TRPM8: variants seen among roughly 807,000 people sequenced by gnomAD.
The protein encoded by TRPM8 is TRPM8 cationic channel.
TRPM8 carries 110 observed loss-of-function variants against 133.7 expected under a neutral mutation model. The ratio of observed to expected loss-of-function variants is 0.82; its 90% CI spans 0.70 to 0.96. The LOEUF (loss-of-function observed/expected upper bound fraction) is 0.96, where lower values mean the gene tolerates loss of function less well. Ranked by LOEUF, TRPM8 falls within the 40% of genes least tolerant of loss-of-function variation. The probability of loss-of-function intolerance (pLI) is 0.00; values close to 1 mark genes in which losing one functional copy is unlikely to be tolerated. For synonymous variants in TRPM8, 535 were observed against 532.3 expected (o/e 1.01, Z -0.07); for missense variants, 1,291 against 1,379.5 (o/e 0.94, Z 1.02).
At chr2:233,942,488 TG>T in intron 5 of TRPM8, 87 bp from the exon 6 acceptor site, 1 of 1,309,492 alleles carries the variant, frequency 7.6e-7, no homozygotes, top group Non-Finnish European at 1.1e-6. Flanking sequence ...CCTACAGGGA[TG>T]GGGCCTTTAT....
chr2:233,963,441 C>T lies in TRPM8; in HGVS notation c.1749+64C>T, dbSNP rs1002176755. The T allele has an allele frequency of 1.3e-5, 13 of 1,020,452 alleles. No homozygotes were observed. In the East Asian group the frequency reaches 3.3e-4, roughly 26 times the overall value. 63.2% of individuals were successfully genotyped at this position (1,020,452 alleles called of 1,614,324 possible). A position where few individuals can be genotyped will look rare whatever the true frequency, so the allele number is the denominator to read the frequency against. The stretch of plus-strand genomic sequence containing the variant: ...ATGCTTTGTTATAACAGTTCTGATC[C>T]TCTCAAAATTCGCATGCCTAATATA... On this transcript the variant is annotated intron_variant, in intron 13 of 25. Coordinates refer to ENST00000324695, the MANE Select transcript of TRPM8 (RefSeq NM_024080.5).
At position 234,014,566 on chromosome 2, in the gene TRPM8, A is replaced by G. The variant is rs776870967; in HGVS notation, c.3269A>G (p.Asn1090Ser). Residue 1090 changes from asparagine (N) to serine (S), a missense_variant, in exon 25 of 26, where the codon AAT (asparagine) becomes AGT (serine). By Grantham distance (46) the Asn-to-Ser change is conservative. Transcript: ENST00000324695. ...CTATTTTTTTCTCTTTCCAAGCTTA[A>G]TGATCTCAAGGGTCTTCTGAAAGAG... is the stretch of plus-strand genomic sequence containing the variant. ...HRFRQLDTKL[N>S]DLKGLLKEIA... The G allele has an allele frequency of 3.2e-6, 5 of 1,543,872 alleles. No homozygotes were observed. Among genetic ancestry groups the G allele is most frequent in the Middle Eastern group, 1.8e-4 (1 of 5,490 alleles).
At chr2:233,985,071 G>A (rs540619498) in intron 20 of TRPM8, among the ~76,000 whole-genome samples, 28 of 139,946 alleles carry the variant, frequency 2.0e-4, no homozygotes, top group African/African-American at 6.9e-4. Flanking sequence ...GCATCAGAGT[G>A]AGATTCTGTC....
In TRPM8 at chr2:233,939,021, G is replaced by A. The variant is rs147849851; in HGVS notation, c.372G>A (p.Thr124=). 1.4e-5 allele frequency: 22 copies of A among 1,614,042 alleles called. No individual in the cohort carries two copies. Among genetic ancestry groups the A allele is most frequent in the Admixed American group, 8.3e-5 (5 of 59,998 alleles). The change falls in exon 5 of 26, where the codon ACG becomes ACA. Residue 124 remains threonine, a synonymous_variant. Coordinates refer to ENST00000324695, the MANE Select transcript of TRPM8 (RefSeq NM_024080.5). The stretch of plus-strand genomic sequence containing the variant: ...AGTATATACGTCTGTCCTGCGACAC[G>A]GACGCGGAAATCCTTTACGAGCTGC... ...KGKYIRLSCD[T]DAEILYELLT... is the part of the protein sequence containing the mutation.
rs28902207 is a variant in TRPM8, at chr2:233,985,386, T to A, written c.2762-302T>A. Among the ~76,000 whole-genome samples the A allele has an allele frequency of 7.5e-3, 1,141 of 152,340 alleles. 21 individuals are homozygous for A. The highest frequency in any genetic ancestry group is 0.025 in the African/African-American group (1,046 of 41,568). On this transcript the variant is annotated intron_variant, in intron 20 of 25. Coordinates refer to ENST00000324695, the MANE Select transcript of TRPM8 (RefSeq NM_024080.5). Reference sequence around the variant, plus strand: ...CATGGACTGAGACTTTAAATGTGTGTGGTTGATTATCTGCCTATCCAAAGA... The same window carrying A: ...CATGGACTGAGACTTTAAATGTGTGAGGTTGATTATCTGCCTATCCAAAGA...
intron 1 of TRPM8, among the ~76,000 whole-genome samples, chr2:233,918,194 C>A (rs1559512834): frequency 1.3e-5 from 2 of 151,894 alleles, no homozygotes; most frequent in Non-Finnish European, 2.9e-5. Context: ...GAAGTTTTAG[C>A]TTGTCAAAAT....
intron 21 of TRPM8, among the ~76,000 whole-genome samples, chr2:233,986,879 T>C (rs999555308): frequency 6.6e-6 from 1 of 152,166 alleles, no homozygotes; most frequent in Non-Finnish European, 1.5e-5. Flanking sequence ...AAGGACTTAA[T>C]CTTGTGGATA....
chr2:233,966,788 C>T (rs1261647936), intron 15 of TRPM8, 33 bp downstream of exon 15: 2 of 1,486,214 alleles, frequency 1.3e-6, no homozygotes, highest in African/African-American at 1.4e-5. Flanking sequence ...ACCACACGGC[C>T]AGAAATGGGG....
At chr2:233,972,672 G>A (rs1046266821) in intron 17 of TRPM8, among the ~76,000 whole-genome samples, 6 of 152,206 alleles carry the variant, frequency 3.9e-5, no homozygotes, top group Non-Finnish European at 7.4e-5. Context: ...GGCCGGCACT[G>A]CTGGGGGACC....
chr2:233,983,085 T>A lies in TRPM8; in HGVS notation c.2622T>A (p.Phe874Leu). ...ATGTGTTCTTCTTCCTGTTCCTCTTTGCGGTGTGGATGGTGGCCTTTGGCG... is the reference window on the plus strand; with the variant it reads ...ATGTGTTCTTCTTCCTGTTCCTCTTAGCGGTGTGGATGGTGGCCTTTGGCG... ...LIDVFFFLFL[F>L]AVWMVAFGVA... The change falls in exon 20 of 26, where the codon TTT becomes TTA. Residue 874 changes from phenylalanine (F) to leucine (L), a missense_variant. This residue lies in a region of TRPM8 where 328 missense variants were observed against 410.6 expected (regional missense o/e 0.80). Coordinates refer to ENST00000324695, the MANE Select transcript of TRPM8 (RefSeq NM_024080.5). The A allele has an allele frequency of 6.2e-7, 1 of 1,614,134 alleles. No homozygotes were observed. Among genetic ancestry groups the A allele is most frequent in the Non-Finnish European group, 8.5e-7 (1 of 1,179,980 alleles).
chr2:233,942,287 C>T (rs933122469), intron 5 of TRPM8, among the ~76,000 whole-genome samples: 2 of 152,038 alleles, frequency 1.3e-5, no homozygotes, highest in Non-Finnish European at 2.9e-5. Context: ...ACCATCTTGG[C>T]CAGGCTGGTC....
rs150052960 is a variant in TRPM8, at chr2:233,996,615, A to C, written c.3130+99A>C. The C allele has an allele frequency of 4.2e-4, 463 of 1,110,754 alleles. 3 individuals are homozygous for C. The Admixed American group carries it at 8.6e-3, about 21-fold the overall frequency. The allele number at this position is 1,110,754 out of a possible 1,614,324, so 68.8% of individuals were successfully genotyped here. ...CTCAACAGGAAGGAATTATTCACAG[A>C]TCTTTCACTGTTCACATCTGTACAT... is the stretch of plus-strand genomic sequence containing the variant. On this transcript the variant is annotated intron_variant, in intron 22 of 25. Coordinates refer to ENST00000324695, the MANE Select transcript of TRPM8 (RefSeq NM_024080.5).
chr2:233,956,454 A>G lies in TRPM8; in HGVS notation c.1362+1204A>G, dbSNP rs911668657. On this transcript the variant is annotated intron_variant, in intron 11 of 25. Coordinates refer to ENST00000324695, the MANE Select transcript of TRPM8 (RefSeq NM_024080.5). ...CAGTCAGCCCTAGGAGCCTTGTTCA[A>G]TGAAAATTATTATAAACCATCACAC... is the stretch of plus-strand genomic sequence containing the variant. Among the ~76,000 whole-genome samples, 14 of 152,226 alleles carry G rather than the reference A, an allele frequency of 9.2e-5. 1 individual carries two copies. The highest frequency in any genetic ancestry group is 6.5e-4 in the Admixed American group (10 of 15,284).
Position 233,996,445 on chromosome 2 carries a change from A to C in TRPM8, c.3059A>C (p.Tyr1020Ser), listed in dbSNP as rs1240326192. ...CCCTTCCCCTTCATCGTCTTCGCTT[A>C]CTTCTACATGGTGGTGAAGAAGTGC... is the stretch of plus-strand genomic sequence containing the variant. Reference protein sequence around the residue: ...NIPFPFIVFAYFYMVVKKCFK... With the variant: ...NIPFPFIVFASFYMVVKKCFK... Residue 1020 changes from tyrosine to serine, a missense_variant, in exon 22 of 26, where the codon TAC (tyrosine) becomes TCC (serine). By Grantham distance (144) the Tyr-to-Ser change is moderately radical. Transcript: ENST00000324695. 3 of 1,614,156 alleles carry C rather than the reference A, an allele frequency of 1.9e-6. No individual in the cohort carries two copies. The highest frequency in any genetic ancestry group is 4.5e-5 in the East Asian group (2 of 44,872).
chr2:233,959,790 A>G (rs1298429999), intron 11 of TRPM8, among the ~76,000 whole-genome samples: 2 of 150,654 alleles, frequency 1.3e-5, no homozygotes, highest in Non-Finnish European at 3.0e-5. Context: ...AACATCGATG[A>G]TCTTTTCTTG....
Position 233,983,072 on chromosome 2 carries a change from T to C in TRPM8, c.2609T>C (p.Phe870Ser), listed in dbSNP as rs1284604754. 1 of 1,613,794 alleles carries C rather than the reference T, an allele frequency of 6.2e-7. No homozygotes were observed. The highest frequency in any genetic ancestry group is 8.5e-7 in the Non-Finnish European group (1 of 1,179,704). The change falls in exon 20 of 26, where the codon TTC (phenylalanine) becomes TCC (serine). Residue 870 changes from phenylalanine to serine, a missense_variant. Transcript: ENST00000324695. The stretch of plus-strand genomic sequence containing the variant: ...TGACAGCTGATCGATGTGTTCTTCT[T>C]CCTGTTCCTCTTTGCGGTGTGGATG... ...LQRMLIDVFFFLFLFAVWMVA... is the reference protein window; with the variant it reads ...LQRMLIDVFFSLFLFAVWMVA...
chr2:233,949,782 G>A (rs1433618085), intron 8 of TRPM8, among the ~76,000 whole-genome samples, 167 bp from the exon 9 acceptor site: 3 of 152,182 alleles, frequency 2.0e-5, no homozygotes, highest in Non-Finnish European at 4.4e-5. Flanking sequence ...CATTCATAAA[G>A]CAATTGACAA....
chr2:234,019,010 T>A lies in TRPM8; in HGVS notation c.*1754T>A, dbSNP rs1693028672. 6.6e-6 allele frequency: 1 copy of A among 152,170 alleles called. No homozygotes were observed. The highest frequency in any genetic ancestry group is 2.1e-4 in the South Asian group (1 of 4,830). 9.4% of individuals were successfully genotyped at this position (152,170 alleles called of 1,614,324 possible). ...CACAAGGCAATTGAAATGCCCATAATTAGTTTCTCAGCTTTGAATACACTA... is the reference window on the plus strand; with the variant it reads ...CACAAGGCAATTGAAATGCCCATAAATAGTTTCTCAGCTTTGAATACACTA... On this transcript the variant is annotated 3_prime_UTR_variant, in exon 26 of 26. Transcript: ENST00000324695.
chr2:233,975,937 C>A (rs1292806973), intron 17 of TRPM8, among the ~76,000 whole-genome samples: 1 of 152,068 alleles, frequency 6.6e-6, no homozygotes, highest in Non-Finnish European at 1.5e-5. Context: ...AACACACACA[C>A]AAAAACCCAG....
Sources: gnomAD v4.1 joint callset for allele counts (sites outside exome capture counted in the v4.1 genomes callset) on GRCh38, gnomAD v4.1.1 for gene constraint, gnomAD v4.1.1 regional missense constraint, MANE v1.5 for transcripts, NCBI Gene and HGNC (gene_info 2026-07-23, HGNC 2026-07-21) for gene names.